The following FGF10 variants were observed in gnomAD, a reference collection of about 807,000 sequenced individuals.
The protein encoded by FGF10 is fibroblast growth factor 10.
In FGF10, 2 loss-of-function variants were observed where a neutral mutation model predicts 19.8. That is an observed-to-expected ratio of 0.10 (90% CI 0.04 to 0.32). The LOEUF is 0.32. Among genes scored for constraint, FGF10 ranks in the 10% least tolerant of loss-of-function variants. The probability of loss-of-function intolerance (pLI) is 1.00; values close to 1 mark genes in which losing one functional copy is unlikely to be tolerated. For synonymous variants in FGF10, 112 were observed against 94.0 expected (o/e 1.19, Z -1.10); for missense variants, 191 against 246.3 (o/e 0.78, Z 1.50).
intron 2 of FGF10, among the ~76,000 whole-genome samples, chr5:44,306,383 C>A (rs958384225): frequency 1.3e-5 from 2 of 152,240 alleles, no homozygotes; most frequent in South Asian, 2.1e-4. Context: ...GGCAACAGAA[C>A]GAGACTCCGT....
intron 1 of FGF10, among the ~76,000 whole-genome samples, chr5:44,363,580 C>T (rs1579933998): frequency 6.6e-6 from 1 of 151,664 alleles, no homozygotes; most frequent in Admixed American, 6.6e-5. Context: ...CAAGAAGCAC[C>T]AAAAAAGATA....
chr5:44,320,231 A>G (rs182852408), intron 1 of FGF10, among the ~76,000 whole-genome samples: 1 of 152,294 alleles, frequency 6.6e-6, no homozygotes, highest in Non-Finnish European at 1.5e-5. Flanking sequence ...TTACAGACTC[A>G]TATCAAAACC....
intron 1 of FGF10, among the ~76,000 whole-genome samples, chr5:44,354,278 C>A (rs977599301): frequency 1.3e-5 from 2 of 151,324 alleles, no homozygotes; most frequent in Non-Finnish European, 3.0e-5. Flanking sequence ...TTTTGTCTAG[C>A]ATATATGTTG....
intron 1 of FGF10, among the ~76,000 whole-genome samples, chr5:44,321,586 G>A (rs1184224141): frequency 1.3e-5 from 2 of 152,216 alleles, no homozygotes; most frequent in Non-Finnish European, 2.9e-5. Context: ...GGTCGCTTCT[G>A]AATGTGAGTC....
At chr5:44,370,605 C>T (rs994349650) in intron 1 of FGF10, among the ~76,000 whole-genome samples, 12 of 152,086 alleles carry the variant, frequency 7.9e-5, no homozygotes, top group Admixed American at 6.6e-4. Context: ...GAAGTAAGCT[C>T]CATAACACTC....
chr5:44,378,025 C>T (rs747943571), intron 1 of FGF10, among the ~76,000 whole-genome samples: 72 of 152,244 alleles, frequency 4.7e-4, no homozygotes, highest in Non-Finnish European at 7.8e-4. Context: ...CTTATTCATA[C>T]ATAAGTACTT....
rs1740262117 is a variant in FGF10, at chr5:44,313,630, T to C, written c.326-3100A>G. On this transcript the variant is annotated intron_variant, in intron 1 of 2. Transcript: ENST00000264664. ...TCAAAGAAACACCTGAAAATTATATTATTAATGAAAGGACACATGAATTAT... is the reference window on the plus strand; with the variant it reads ...TCAAAGAAACACCTGAAAATTATATCATTAATGAAAGGACACATGAATTAT... Among the ~76,000 whole-genome samples the C allele has an allele frequency of 2.0e-5, 3 of 152,020 alleles. No individual in the cohort carries two copies. The South Asian group carries it at 6.2e-4, about 32-fold the overall frequency.
chr5:44,383,309 C>T (rs1742025160), intron 1 of FGF10, among the ~76,000 whole-genome samples: 1 of 152,090 alleles, frequency 6.6e-6, no homozygotes, highest in Non-Finnish European at 1.5e-5. Flanking sequence ...AAGCTTTTCA[C>T]TCTAAACTGG....
At chr5:44,310,907 T>C (rs554061240) in intron 1 of FGF10, among the ~76,000 whole-genome samples, 1 of 152,242 alleles carries the variant, frequency 6.6e-6, no homozygotes, top group East Asian at 1.9e-4. Flanking sequence ...AGAGCCCATA[T>C]CTGTACTATG....
At chr5:44,327,104 G>A (rs770168511) in intron 1 of FGF10, among the ~76,000 whole-genome samples, 3 of 152,138 alleles carry the variant, frequency 2.0e-5, no homozygotes, top group Non-Finnish European at 2.9e-5. Context: ...AGTCTTCAGC[G>A]TGGTTTCCAG....
chr5:44,325,580 T>C (rs1372984898), intron 1 of FGF10, among the ~76,000 whole-genome samples: 1 of 152,166 alleles, frequency 6.6e-6, no homozygotes, highest in African/African-American at 2.4e-5. Context: ...TTCATGTCCT[T>C]TGTAGGGACA....
At chr5:44,307,896 T>G (rs528529472) in intron 2 of FGF10, among the ~76,000 whole-genome samples, 1 of 152,346 alleles carries the variant, frequency 6.6e-6, no homozygotes, top group East Asian at 1.9e-4. Flanking sequence ...ATGAGTTTCT[T>G]TCTGAGACAG....
intron 1 of FGF10, among the ~76,000 whole-genome samples, chr5:44,366,051 T>TC (rs1741603608): frequency 6.6e-6 from 1 of 151,692 alleles, no homozygotes; most frequent in African/African-American, 2.4e-5. Flanking sequence ...CTTCTATTAT[T>TC]CTGATTATAA....
At chr5:44,335,256 A>G (rs1338245793) in intron 1 of FGF10, among the ~76,000 whole-genome samples, 1 of 152,140 alleles carries the variant, frequency 6.6e-6, no homozygotes, top group Admixed American at 6.6e-5. Context: ...ATCTTTTCTT[A>G]ATGGTGAGAA....
intron 1 of FGF10, among the ~76,000 whole-genome samples, chr5:44,326,685 C>CCTTA (rs1387387166): frequency 6.6e-6 from 1 of 151,954 alleles, no homozygotes; most frequent in African/African-American, 2.4e-5. Context: ...TTGAGACCAC[C>CCTTA]CTTAGTTTAT....
chr5:44,376,504 AAAAAAAAAAAAAAC>A (rs1373528542), intron 1 of FGF10, among the ~76,000 whole-genome samples: 5 of 144,554 alleles, frequency 3.5e-5, no homozygotes, highest in Admixed American at 7.0e-5. Flanking sequence ...AAAAAAAAAA[AAAAAAAAAAAAAAC>A]AAAAAACCCA....
At chr5:44,327,402 C>T (rs1433690704) in intron 1 of FGF10, among the ~76,000 whole-genome samples, 2 of 152,138 alleles carry the variant, frequency 1.3e-5, no homozygotes, top group African/African-American at 4.8e-5. Flanking sequence ...AAGCCAAGGA[C>T]CACTTTGGCT....
At chr5:44,358,611 T>C (rs1239562595) in intron 1 of FGF10, among the ~76,000 whole-genome samples, 1 of 151,460 alleles carries the variant, frequency 6.6e-6, no homozygotes, top group African/African-American at 2.4e-5. Flanking sequence ...TGGATTGTAC[T>C]GAAAACTTTC....
At chr5:44,352,424 A>G (rs1741256460) in intron 1 of FGF10, among the ~76,000 whole-genome samples, 1 of 151,588 alleles carries the variant, frequency 6.6e-6, no homozygotes, top group Non-Finnish European at 1.5e-5. Flanking sequence ...CTTACATTTT[A>G]GGAACAAAAT....
Sources: allele counts gnomAD v4.1 joint callset (sites outside exome capture counted in the v4.1 genomes callset), GRCh38; gene constraint gnomAD v4.1.1; transcripts MANE v1.5; gene names NCBI Gene and HGNC (gene_info 2026-07-23, HGNC 2026-07-21).